The following CDC16 variants were observed in gnomAD, a reference collection of about 807,000 sequenced individuals.
The protein encoded by CDC16 is cell division cycle protein 16 homolog.
A neutral mutation model predicts 87.0 loss-of-function variants in CDC16; 34 were observed. The observed-to-expected ratio is 0.39, with a 90% CI of 0.30 to 0.52. CDC16 has a LOEUF of 0.52. Ranked by LOEUF, CDC16 falls within the 20% of genes least tolerant of loss-of-function variation. The pLI is 0.74. For synonymous variants in CDC16, 263 were observed against 260.6 expected, an observed-to-expected ratio of 1.01 and a Z score of -0.09; for missense variants, 653 against 751.9, an observed-to-expected ratio of 0.87 and a Z score of 1.54.
chr13:114,260,497 A>C (rs2082776893), intron 14 of CDC16, among the ~76,000 whole-genome samples: 1 of 152,220 alleles, frequency 6.6e-6, no homozygotes, highest in African/African-American at 2.4e-5. Flanking sequence ...CAACTGAATC[A>C]AAATCTGCAG....
chr13:114,265,059 T>A (rs1025263440), intron 16 of CDC16, 91 bp from the exon 17 acceptor site: 1 of 949,764 alleles, frequency 1.1e-6, no homozygotes, highest in African/African-American at 1.6e-5. Flanking sequence ...TCCCCCACCC[T>A]GGATGCCCTG....
intron 17 of CDC16, among the ~76,000 whole-genome samples, chr13:114,267,497 C>CA (rs917075426): frequency 1.6e-4 from 24 of 145,614 alleles, no homozygotes; most frequent in South Asian, 4.4e-4. Context: ...AATCTCAAAA[C>CA]AAAAAAAAAA....
intron 10 of CDC16, 28 bp downstream of exon 10, chr13:114,246,077 T>G (rs1436073584): frequency 1.0e-6 from 1 of 995,418 alleles, no homozygotes; most frequent in Non-Finnish European, 1.4e-6. Context: ...TAGTCTTAGT[T>G]TTTTTTTTTT....
At chr13:114,265,343 C>A in intron 17 of CDC16, 103 bp downstream of exon 17, 1 of 760,492 alleles carries the variant, frequency 1.3e-6, no homozygotes, top group Non-Finnish European at 2.3e-6. Flanking sequence ...CCAAGTTCAT[C>A]TTTCTAACCA....
intron 5 of CDC16, among the ~76,000 whole-genome samples, chr13:114,239,781 C>T (rs921720084): frequency 2.0e-5 from 3 of 151,660 alleles, no homozygotes; most frequent in Non-Finnish European, 2.9e-5. Context: ...TTTTCTTCTC[C>T]TTTCTGTGTT....
intron 1 of CDC16, 45 bp from the exon 2 acceptor site, chr13:114,236,600 A>G (rs762930437): frequency 3.2e-6 from 5 of 1,572,614 alleles, no homozygotes; most frequent in Non-Finnish European, 4.3e-6. Context: ...TAAGACTATT[A>G]AAATAACAGG....
intron 3 of CDC16, among the ~76,000 whole-genome samples, chr13:114,238,469 G>C (rs1489879271): frequency 7.0e-6 from 1 of 143,372 alleles, no homozygotes; most frequent in Non-Finnish European, 1.5e-5. Flanking sequence ...CTCCTCGGAC[G>C]CCCAGCAGTT....
At chr13:114,235,838 G>A (rs906602474) in intron 1 of CDC16, among the ~76,000 whole-genome samples, 5 of 152,204 alleles carry the variant, frequency 3.3e-5, no homozygotes. Flanking sequence ...TATTTACCAT[G>A]AGTCAGTTGA....
rs189383164 is a variant in CDC16, at chr13:114,250,689, A to T, written c.1097+15A>T. ...CTGATGAAAGGGTACGGCAGAGCAA[A>T]CTCATCAAACTCCATGAAGGGATGT... On this transcript the variant is annotated intron_variant, in intron 12 of 17. Coordinates refer to ENST00000356221, the MANE Select transcript of CDC16 (RefSeq NM_001078645.3). The T allele has an allele frequency of 5.7e-5, 92 of 1,612,630 alleles. No homozygotes were observed. In the Admixed American group the frequency reaches 1.5e-3, roughly 27 times the overall value.
At chr13:114,243,478 G>A (rs551589983) in intron 7 of CDC16, 130 bp downstream of exon 7, 23 of 500,524 alleles carry the variant, frequency 4.6e-5, no homozygotes, top group African/African-American at 2.8e-4. Context: ...AGAATAGAGC[G>A]TTTAAGATAC....
At chr13:114,238,923 G>A (rs1055303522) in intron 3 of CDC16, 67 bp from the exon 4 acceptor site, 13 of 1,538,558 alleles carry the variant, frequency 8.4e-6, no homozygotes, top group Non-Finnish European at 1.1e-5. Context: ...TATGCTTATG[G>A]CTTTCTTTGA....
chr13:114,254,313 C>A (rs998320914), intron 12 of CDC16, among the ~76,000 whole-genome samples: 3 of 151,982 alleles, frequency 2.0e-5, no homozygotes, highest in African/African-American at 4.8e-5. Context: ...TCCTGTATTT[C>A]TTCTTTTGTG....
intron 17 of CDC16, among the ~76,000 whole-genome samples, chr13:114,268,777 C>T (rs909677289): frequency 6.6e-6 from 1 of 152,192 alleles, no homozygotes; most frequent in Non-Finnish European, 1.5e-5. Context: ...CACGCCACTG[C>T]ACTCCAGCCT....
Position 114,239,346 on chromosome 13 carries a change from G to T in CDC16, c.241-4G>T. The T allele has an allele frequency of 1.9e-6, 3 of 1,597,786 alleles. No individual in the cohort carries two copies. Among genetic ancestry groups the T allele is most frequent in the Non-Finnish European group, 2.6e-6 (3 of 1,168,386 alleles). ...GATGAGCGGCACTTCTGTTTTCCAC[G>T]TAGTATGCTGCAAAAGAGCACCAGC... On this transcript the variant is annotated splice_polypyrimidine_tract_variant and splice_region_variant and intron_variant, in intron 4 of 17. Coordinates refer to ENST00000356221, the MANE Select transcript of CDC16 (RefSeq NM_001078645.3).
chr13:114,268,723 G>C (rs2083408680), intron 17 of CDC16, among the ~76,000 whole-genome samples: 1 of 152,178 alleles, frequency 6.6e-6, no homozygotes, highest in Non-Finnish European at 1.5e-5. Context: ...AGGGGGCTGA[G>C]GCAGGAGGAT....
chr13:114,254,069 CT>C (rs1018443094), intron 12 of CDC16, among the ~76,000 whole-genome samples: 20 of 151,948 alleles, frequency 1.3e-4, no homozygotes, highest in African/African-American at 4.1e-4. Context: ...TCTAATAATA[CT>C]TTTTTTTATA....
intron 17 of CDC16, among the ~76,000 whole-genome samples, chr13:114,270,016 A>G (rs899940653): frequency 6.6e-6 from 1 of 152,250 alleles, no homozygotes. Context: ...AATTTCACAG[A>G]TTTTTGACAA....
intron 11 of CDC16, 66 bp from the exon 12 acceptor site, chr13:114,250,483 C>CTT (rs1566656270): frequency 2.1e-6 from 3 of 1,442,650 alleles, no homozygotes; most frequent in African/African-American, 3.1e-5. Context: ...CAAAGTGAGA[C>CTT]TTTGTCTCAA....
chr13:114,258,893 T>TGC (rs1381278774), intron 13 of CDC16, among the ~76,000 whole-genome samples: 2 of 151,762 alleles, frequency 1.3e-5, no homozygotes, highest in Non-Finnish European at 1.5e-5. Flanking sequence ...AGGCCAGGAG[T>TGC]TTGAGACCAG....
Sources: gnomAD v4.1 joint callset for allele counts (sites outside exome capture counted in the v4.1 genomes callset) on GRCh38, gnomAD v4.1.1 for gene constraint, MANE v1.5 for transcripts, NCBI Gene and HGNC (gene_info 2026-07-23, HGNC 2026-07-21) for gene names.